Variants in LARS1 observed in about 807,000 individuals in gnomAD.
The protein encoded by LARS1 is leucyl-tRNA synthetase 1, also known as leucine--tRNA ligase, cytoplasmic.
In LARS1, 100 loss-of-function variants were observed where a neutral mutation model predicts 162.8. The ratio of observed to expected loss-of-function variants is 0.61; its 90% CI spans 0.52 to 0.73. The LOEUF is 0.73. Among genes scored for constraint, LARS1 ranks in the 30% least tolerant of loss-of-function variants. The probability of loss-of-function intolerance (pLI) is 0.00; values close to 1 mark genes in which losing one functional copy is unlikely to be tolerated. For missense variants in LARS1, 1,258 were observed against 1,408.9 expected, an observed-to-expected ratio of 0.89 and a Z score of 1.71; for synonymous variants, 457 against 462.8, an observed-to-expected ratio of 0.99 and a Z score of 0.16.
intron 5 of LARS1, among the ~76,000 whole-genome samples, chr5:146,164,944 A>C (rs745739769): frequency 1.2e-4 from 19 of 152,338 alleles, no homozygotes; most frequent in Non-Finnish European, 2.1e-4. Flanking sequence ...AGGCAGCATA[A>C]GAAAATTTTG....
At chr5:146,144,778 ATTACTTT>A in intron 15 of LARS1, 69 bp from the exon 16 acceptor site, 5 of 1,399,944 alleles carry the variant, frequency 3.6e-6, no homozygotes, top group Admixed American at 3.6e-5. Flanking sequence ...AAGGATAAAA[ATTACTTT>A]AAAAAAATGC....
Position 146,171,897 on chromosome 5 carries a change from T to G in LARS1, c.294+13A>C. Reference sequence around the variant, plus strand: ...CTAAAAAGAGTAGAAACCAATCCTATTAGCGATCTTACCTTAATAGGCATT... The same window carrying G: ...CTAAAAAGAGTAGAAACCAATCCTAGTAGCGATCTTACCTTAATAGGCATT... On this transcript the variant is annotated intron_variant, in intron 4 of 31. Coordinates refer to ENST00000394434, the MANE Select transcript of LARS1 (RefSeq NM_020117.11). The G allele has an allele frequency of 6.3e-7, 1 of 1,598,282 alleles. No homozygotes were observed. The highest frequency in any genetic ancestry group is 8.5e-7 in the Non-Finnish European group (1 of 1,169,844).
chr5:146,167,936 G>A (rs573970412), intron 5 of LARS1, among the ~76,000 whole-genome samples, 192 bp downstream of exon 5: 7 of 152,204 alleles, frequency 4.6e-5, no homozygotes, highest in Middle Eastern at 3.4e-3. Flanking sequence ...TGCCTGCCTC[G>A]GCCTCCCAAA....
chr5:146,150,525 G>A (rs1277723258), intron 14 of LARS1, among the ~76,000 whole-genome samples: 1 of 150,936 alleles, frequency 6.6e-6, no homozygotes, highest in South Asian at 2.1e-4. Flanking sequence ...TACTCAGGAG[G>A]CTGAGGCAGG....
chr5:146,152,679 G>T (rs1475935601), intron 13 of LARS1, among the ~76,000 whole-genome samples: 6 of 152,188 alleles, frequency 3.9e-5, no homozygotes. Context: ...TAAACAACTA[G>T]ATTCATGGAT....
At chr5:146,137,361 G>A (rs1752560898) in intron 21 of LARS1, among the ~76,000 whole-genome samples, 1 of 151,638 alleles carries the variant, frequency 6.6e-6, no homozygotes, top group South Asian at 2.1e-4. Context: ...TTTAAGTCAA[G>A]TAGGGGTGCC....
chr5:146,125,321 A>C (rs1751997889), intron 28 of LARS1, among the ~76,000 whole-genome samples: 1 of 152,012 alleles, frequency 6.6e-6, no homozygotes, highest in South Asian at 2.1e-4. Context: ...ACTTTGGTCT[A>C]AGAGAATTAA....
chr5:146,136,324 G>C lies in LARS1; in HGVS notation c.2149-660C>G, dbSNP rs1008193113. Among the ~76,000 whole-genome samples the C allele has an allele frequency of 5.3e-5, 8 of 152,252 alleles. No homozygotes were observed. The East Asian group carries it at 1.5e-3, about 29-fold the overall frequency. ...CAACTTTCAGACAGCCAAAGAAAATGTCATGTTCTAACAAGAATAATAAAT... is the reference window on the plus strand; with the variant it reads ...CAACTTTCAGACAGCCAAAGAAAATCTCATGTTCTAACAAGAATAATAAAT... On this transcript the variant is annotated intron_variant, in intron 21 of 31. Transcript: ENST00000394434.
At chr5:146,120,214 C>A in intron 31 of LARS1, 157 bp downstream of exon 31, 2 of 809,250 alleles carry the variant, frequency 2.5e-6, no homozygotes, top group Admixed American at 2.7e-5. Flanking sequence ...CACAGAGTCC[C>A]AAAAAGAATA....
chr5:146,148,891 C>T (rs11954870), intron 15 of LARS1, among the ~76,000 whole-genome samples: 33,826 of 151,916 alleles, frequency 0.22, 4,811 homozygotes, highest in Admixed American at 0.34. Context: ...GCCTGACCAA[C>T]ATGGAGAAAC....
chr5:146,152,112 T>C (rs1753320296), intron 13 of LARS1, 110 bp from the exon 14 acceptor site: 2 of 1,145,594 alleles, frequency 1.7e-6, no homozygotes, highest in Non-Finnish European at 2.6e-6. Flanking sequence ...AGATTGTATA[T>C]GTCATTACGA....
At chr5:146,152,410 G>A (rs552898406) in intron 13 of LARS1, among the ~76,000 whole-genome samples, 12 of 152,276 alleles carry the variant, frequency 7.9e-5, no homozygotes, top group Non-Finnish European at 1.8e-4. Flanking sequence ...GGTGAGGAAC[G>A]GGCGAGCATC....
chr5:146,129,156 A>G, intron 25 of LARS1, 38 bp from the exon 26 acceptor site: 1 of 1,506,976 alleles, frequency 6.6e-7, no homozygotes, highest in Non-Finnish European at 9.0e-7. Context: ...CTTCAGTGAG[A>G]TTAGACAATA....
chr5:146,175,967 C>A (rs955689051), intron 2 of LARS1, among the ~76,000 whole-genome samples: 3 of 151,978 alleles, frequency 2.0e-5, no homozygotes, highest in Non-Finnish European at 4.4e-5. Context: ...CCAGCCTGGG[C>A]AACATAGCAA....
At position 146,129,012 on chromosome 5, in the gene LARS1, C is replaced by G. The variant is rs770180521; in HGVS notation, c.2735G>C (p.Arg912Pro). The change falls in exon 26 of 32, where the codon CGA (arginine) becomes CCA (proline). Residue 912 changes from arginine (R) to proline (P), a missense_variant. Transcript: ENST00000394434. ...AGCTGGCATCATATAGTTCTTGAGTCGTAGTCTAAGGTCATGTGTTACTTC... is the reference window on the plus strand; with the variant it reads ...AGCTGGCATCATATAGTTCTTGAGTGGTAGTCTAAGGTCATGTGTTACTTC... ...LMEVTHDLRL[R>P]LKNYMMPAKG... 1 of 1,604,712 alleles carries G rather than the reference C, an allele frequency of 6.2e-7. No homozygotes were observed. Among genetic ancestry groups the G allele is most frequent in the Middle Eastern group, 1.7e-4 (1 of 6,006 alleles).
At chr5:146,127,948 G>A (rs1752112535) in intron 27 of LARS1, among the ~76,000 whole-genome samples, 1 of 151,986 alleles carries the variant, frequency 6.6e-6, no homozygotes, top group Non-Finnish European at 1.5e-5. Context: ...TTTACATTTT[G>A]ACCACAATCC....
At chr5:146,167,774 C>G (rs928338706) in intron 5 of LARS1, among the ~76,000 whole-genome samples, 2 of 151,752 alleles carry the variant, frequency 1.3e-5, no homozygotes, top group Admixed American at 1.3e-4. Context: ...CATGATCCGC[C>G]CGCCTCGGCC....
Position 146,113,895 on chromosome 5 carries a change from C to T in LARS1, c.*211G>A, listed in dbSNP as rs1424135154. The T allele has an allele frequency of 1.9e-6, 1 of 532,316 alleles. No homozygotes were observed. Among genetic ancestry groups the T allele is most frequent in the Non-Finnish European group, 3.3e-6 (1 of 300,618 alleles). 33.0% of individuals were successfully genotyped at this position (532,316 alleles called of 1,614,324 possible). ...AAAAAGAGTTTGGCAAAAACCATTTCTCTTGGACACCCAAAGAAAGGGAAA... is the reference window on the plus strand; with the variant it reads ...AAAAAGAGTTTGGCAAAAACCATTTTTCTTGGACACCCAAAGAAAGGGAAA... On this transcript the variant is annotated 3_prime_UTR_variant, in exon 32 of 32. Coordinates refer to ENST00000394434, the MANE Select transcript of LARS1 (RefSeq NM_020117.11).
intron 31 of LARS1, among the ~76,000 whole-genome samples, chr5:146,115,970 C>T (rs1764186094): frequency 6.6e-6 from 1 of 152,116 alleles, no homozygotes. Context: ...GCGGCCATGC[C>T]AACCAAGAAT....
Sources: allele counts gnomAD v4.1 joint callset (sites outside exome capture counted in the v4.1 genomes callset), GRCh38; gene constraint gnomAD v4.1.1; transcripts MANE v1.5; gene names NCBI Gene and HGNC (gene_info 2026-07-23, HGNC 2026-07-21).